Variants in PHACTR1 observed in about 807,000 individuals in gnomAD.
The protein encoded by PHACTR1 is phosphatase and actin regulator 1.
A neutral mutation model predicts 69.2 loss-of-function variants in PHACTR1; 16 were observed. That is an observed-to-expected ratio of 0.23 (90% confidence interval 0.16 to 0.35). The LOEUF is 0.35. Ranked by LOEUF, PHACTR1 falls within the 10% of genes least tolerant of loss-of-function variation. PHACTR1 has a pLI of 1.00. For synonymous variants in PHACTR1, 312 were observed against 284.5 expected, an observed-to-expected ratio of 1.10 and a Z score of -0.97; for missense variants, 510 against 734.7, an observed-to-expected ratio of 0.69 and a Z score of 3.54.
chr6:13,115,551 G>A (rs956724711), intron 5 of PHACTR1, among the ~76,000 whole-genome samples: 2 of 152,108 alleles, frequency 1.3e-5, no homozygotes, highest in African/African-American at 4.8e-5. Context: ...TATGCAGATA[G>A]TTTATGTGGG....
chr6:13,008,763 T>C (rs942093817), intron 4 of PHACTR1, among the ~76,000 whole-genome samples: 3 of 152,258 alleles, frequency 2.0e-5, no homozygotes, highest in African/African-American at 7.2e-5. Context: ...CTTGCAGTTC[T>C]GGTTTTAACA....
intron 7 of PHACTR1, among the ~76,000 whole-genome samples, chr6:13,183,291 C>T (rs9395520): frequency 0.27 from 40,430 of 151,940 alleles, 6,132 homozygotes; most frequent in East Asian, 0.61. Flanking sequence ...CCTAATTTGC[C>T]CCAAAATAGG....
chr6:12,768,288 G>A (rs112366659), intron 4 of PHACTR1, among the ~76,000 whole-genome samples: 10,613 of 151,920 alleles, frequency 0.07, 462 homozygotes, highest in Admixed American at 0.1. Flanking sequence ...CTAATTTTTT[G>A]TATTTTTAGT....
chr6:13,270,200 C>G (rs1256549442), intron 10 of PHACTR1, among the ~76,000 whole-genome samples: 2 of 152,238 alleles, frequency 1.3e-5, no homozygotes, highest in Non-Finnish European at 2.9e-5. Context: ...TTACCAGTTT[C>G]TTACAGAGGT....
At chr6:12,985,545 T>A (rs865813726) in intron 4 of PHACTR1, among the ~76,000 whole-genome samples, 285 of 143,436 alleles carry the variant, frequency 2.0e-3, no homozygotes, top group Middle Eastern at 3.6e-3. Flanking sequence ...AAAAAAAATA[T>A]ATATATATAT....
In PHACTR1 at chr6:13,199,383, C is replaced by CA. The variant is rs59070503; in HGVS notation, c.665-6403dup. On this transcript the variant is annotated intron_variant, in intron 7 of 14. Coordinates refer to ENST00000332995, the MANE Select transcript of PHACTR1 (RefSeq NM_030948.6). ...TGGGCGACAAAGTGAGAGTCCATCTCAAAAAAAAAAAAAAAAAAAAAAAAA... is the reference window on the plus strand; with the variant it reads ...TGGGCGACAAAGTGAGAGTCCATCTCAAAAAAAAAAAAAAAAAAAAAAAAAA... 7.9e-3 allele frequency among the ~76,000 whole-genome samples: 619 copies of CA among 78,234 alleles called. 51 individuals are homozygous for CA. Among genetic ancestry groups the CA allele is most frequent in the Middle Eastern group, 0.03 (4 of 132 alleles). 51.3% of individuals were successfully genotyped at this position (78,234 alleles called of 152,430 possible).
At chr6:12,976,520 C>A (rs936308962) in intron 4 of PHACTR1, among the ~76,000 whole-genome samples, 1 of 152,202 alleles carries the variant, frequency 6.6e-6, no homozygotes, top group Non-Finnish European at 1.5e-5. Flanking sequence ...TTCTGCCCTA[C>A]CCCATTGCTA....
At chr6:12,911,251 T>C (rs1200743350) in intron 4 of PHACTR1, among the ~76,000 whole-genome samples, 2 of 152,146 alleles carry the variant, frequency 1.3e-5, no homozygotes, top group South Asian at 4.1e-4. Flanking sequence ...TCTTTGTAGG[T>C]TCGTTTCAAT....
At chr6:12,722,866 G>A (rs1474691084) in intron 3 of PHACTR1, among the ~76,000 whole-genome samples, 1 of 152,140 alleles carries the variant, frequency 6.6e-6, no homozygotes. Flanking sequence ...TAACACGAAG[G>A]GAGTTCTGCG....
chr6:12,760,896 G>A (rs1364723951), intron 4 of PHACTR1, among the ~76,000 whole-genome samples: 3 of 152,206 alleles, frequency 2.0e-5, no homozygotes, highest in African/African-American at 7.2e-5. Context: ...TCGTGCTATT[G>A]CACTCCAGCA....
rs566573838 is a variant in PHACTR1, at chr6:13,001,296, C to T, written c.251-52069C>T. ...GCCATCTCATCCCACTCTCAGCTTT[C>T]GAGTATTTTTTCATCATAAATAAGA... is the stretch of plus-strand genomic sequence containing the variant. On this transcript the variant is annotated intron_variant, in intron 4 of 14. Transcript: ENST00000332995. 3.6e-4 allele frequency among the ~76,000 whole-genome samples: 55 copies of T among 152,148 alleles called. No homozygotes were observed. In the East Asian group the frequency reaches 6.4e-3, roughly 18 times the overall value.
At position 12,995,462 on chromosome 6, in the gene PHACTR1, AC is replaced by A. The variant is rs539445779; in HGVS notation, c.251-57901del. Among the ~76,000 whole-genome samples the A allele has an allele frequency of 7.9e-4, 120 of 152,182 alleles. 1 individual carries two copies. In the Middle Eastern group the frequency reaches 0.034, roughly 43 times the overall value. On this transcript the variant is annotated intron_variant, in intron 4 of 14. Coordinates refer to ENST00000332995, the MANE Select transcript of PHACTR1 (RefSeq NM_030948.6). ...CCAATGAAACAATAGGCAAATATTAACCGAAAGTAAACCAAACTAGCATACC... is the reference window on the plus strand; with the variant it reads ...CCAATGAAACAATAGGCAAATATTAACGAAAGTAAACCAAACTAGCATACC...
intron 7 of PHACTR1, among the ~76,000 whole-genome samples, chr6:13,195,887 C>T (rs573738333): frequency 1.3e-5 from 2 of 151,508 alleles, no homozygotes; most frequent in Admixed American, 1.3e-4. Context: ...CTTTAGAAGT[C>T]ATCTTTGCTT....
At chr6:12,768,331 C>T (rs982834064) in intron 4 of PHACTR1, among the ~76,000 whole-genome samples, 1 of 151,946 alleles carries the variant, frequency 6.6e-6, no homozygotes, top group African/African-American at 2.4e-5. Flanking sequence ...AGACAGGATG[C>T]TCTCAATCTC....
At chr6:13,160,759 A>G (rs1167893726) in intron 6 of PHACTR1, among the ~76,000 whole-genome samples, 1 of 152,128 alleles carries the variant, frequency 6.6e-6, no homozygotes, top group Non-Finnish European at 1.5e-5. Context: ...ATTGAAGGAG[A>G]TAAATTTGTG....
intron 6 of PHACTR1, among the ~76,000 whole-genome samples, chr6:13,180,677 G>T (rs978630877): frequency 1.7e-4 from 26 of 152,190 alleles, no homozygotes; most frequent in African/African-American, 6.3e-4. Flanking sequence ...CTAGAGATGT[G>T]TTAGGCTGAA....
rs75503876 is a variant in PHACTR1, at chr6:13,126,322, G to A, written c.416-33882G>A. 1.0e-2 allele frequency among the ~76,000 whole-genome samples: 1,517 copies of A among 152,202 alleles called. 59 individuals carry two copies. The East Asian group carries it at 0.13, about 13-fold the overall frequency. ...AGGGGCAGGGAGAAAGAGAAGGGCA[G>A]GAAAGGAAGGAAGAAAGAATTTCAC... On this transcript the variant is annotated intron_variant, in intron 5 of 14. Transcript: ENST00000332995.
chr6:13,021,676 A>G (rs1239398471), intron 4 of PHACTR1, among the ~76,000 whole-genome samples: 10 of 152,128 alleles, frequency 6.6e-5, no homozygotes, highest in Non-Finnish European at 2.9e-5. Context: ...TTTCTCTGCA[A>G]TTTTTCTGAC....
chr6:12,798,812 A>C lies in PHACTR1; in HGVS notation c.250+49022A>C, dbSNP rs147915867. Among the ~76,000 whole-genome samples, 769 of 152,360 alleles carry C rather than the reference A, an allele frequency of 5.0e-3. 5 individuals carry two copies. The highest frequency in any genetic ancestry group is 0.017 in the African/African-American group (726 of 41,588). On this transcript the variant is annotated intron_variant, in intron 4 of 14. Transcript: ENST00000332995. ...AGATGCATACCATGACATAGTGTTT[A>C]GAATAAATTCATATGGTTTCAAAAT...
Sources: allele counts gnomAD v4.1 joint callset (sites outside exome capture counted in the v4.1 genomes callset), GRCh38; gene constraint gnomAD v4.1.1; transcripts MANE v1.5; gene names NCBI Gene and HGNC (gene_info 2026-07-23, HGNC 2026-07-21).